MAMDC2: variants seen among roughly 807,000 people sequenced by gnomAD.
MAMDC2 encodes MAM domain containing 2.
MAMDC2 carries 57 observed loss-of-function variants against 89.8 expected under a neutral mutation model. The ratio of observed to expected loss-of-function variants is 0.63; its 90% CI spans 0.51 to 0.79. The LOEUF (loss-of-function observed/expected upper bound fraction) is 0.79, where lower values mean the gene tolerates loss of function less well. Ranked by LOEUF, MAMDC2 falls within the 30% of genes least tolerant of loss-of-function variation. MAMDC2 has a pLI of 0.00. For missense variants in MAMDC2, 800 were observed against 820.6 expected (o/e 0.97, Z 0.31); for synonymous variants, 313 against 293.4 (o/e 1.07, Z -0.68).
chr9:70,170,745 T>G (rs1253948110), intron 11 of MAMDC2, 114 bp downstream of exon 11: 3 of 958,302 alleles, frequency 3.1e-6, no homozygotes, highest in Non-Finnish European at 4.5e-6. Flanking sequence ...TATAATGAAA[T>G]GCACTTGTGA....
intron 11 of MAMDC2, among the ~76,000 whole-genome samples, chr9:70,190,003 T>C (rs1209311681): frequency 3.9e-5 from 6 of 152,176 alleles, no homozygotes; most frequent in African/African-American, 1.4e-4. Context: ...CATACTTTAT[T>C]TAGAAATGGC....
intron 11 of MAMDC2, among the ~76,000 whole-genome samples, chr9:70,211,900 C>A (rs2033361476): frequency 6.6e-6 from 1 of 152,230 alleles, no homozygotes; most frequent in Non-Finnish European, 1.5e-5. Context: ...CCACTCCAGA[C>A]TCTGTTTGCC....
intron 2 of MAMDC2, chr9:70,088,984 T>C (rs1239093623): frequency 6.6e-6 from 1 of 152,176 alleles, no homozygotes; most frequent in East Asian, 1.9e-4. Context: ...CCATGCATGA[T>C]GTTATTAAAT....
intron 11 of MAMDC2, among the ~76,000 whole-genome samples, chr9:70,202,419 T>C (rs555569471): frequency 4.6e-5 from 7 of 151,772 alleles, no homozygotes; most frequent in African/African-American, 9.7e-5. Flanking sequence ...GTCTGAGAGA[T>C]AGTTTGTTAT....
At chr9:70,139,857 T>C (rs924079357) in intron 7 of MAMDC2, among the ~76,000 whole-genome samples, 1 of 152,198 alleles carries the variant, frequency 6.6e-6, no homozygotes, top group Non-Finnish European at 1.5e-5. Flanking sequence ...TGATTTGCAT[T>C]TCCATGGGAG....
rs565459179 is a variant in MAMDC2, at chr9:70,209,597, C to A, written c.1652-8740C>A. ...TTTAAAAAACCAGCTCCTGGATTCA[C>A]TGATTTTTTTGAAGGGTCTTTCGTA... is the stretch of plus-strand genomic sequence containing the variant. On this transcript the variant is annotated intron_variant, in intron 11 of 13. Transcript: ENST00000377182. Among the ~76,000 whole-genome samples, 16 of 56,620 alleles carry A rather than the reference C, an allele frequency of 2.8e-4. No homozygotes were observed. In the Admixed American group the frequency reaches 3.4e-3, roughly 12 times the overall value. The allele number at this position is 56,620 out of a possible 152,430, so 37.1% of individuals were successfully genotyped here.
intron 9 of MAMDC2, among the ~76,000 whole-genome samples, chr9:70,166,165 C>T (rs2118513460): frequency 6.6e-6 from 1 of 151,550 alleles, no homozygotes; most frequent in Non-Finnish European, 1.5e-5. Flanking sequence ...TGCTTGAATC[C>T]AGGAGGTGGA....
chr9:70,106,656 A>G (rs1028427205), intron 2 of MAMDC2, among the ~76,000 whole-genome samples: 3 of 152,198 alleles, frequency 2.0e-5, no homozygotes, highest in East Asian at 3.9e-4. Context: ...CGTGGGAGGT[A>G]TGATGGTGTC....
intron 2 of MAMDC2, among the ~76,000 whole-genome samples, chr9:70,050,197 A>G (rs940560453): frequency 1.3e-5 from 2 of 152,180 alleles, no homozygotes; most frequent in Non-Finnish European, 2.9e-5. Context: ...TTTCAGATGT[A>G]TAGGGATCCC....
At chr9:70,075,398 G>T (rs1014138348) in intron 2 of MAMDC2, among the ~76,000 whole-genome samples, 1 of 152,164 alleles carries the variant, frequency 6.6e-6, no homozygotes, top group South Asian at 2.1e-4. Context: ...TGTTTAAAAT[G>T]CAGTTTCCCA....
In MAMDC2 at chr9:70,044,167, C is replaced by T. The variant is rs372586101; in HGVS notation, c.-31C>T. 2.8e-5 allele frequency: 45 copies of T among 1,613,498 alleles called. No homozygotes were observed. The highest frequency in any genetic ancestry group is 3.2e-5 in the Non-Finnish European group (38 of 1,179,918). The stretch of plus-strand genomic sequence containing the variant: ...TCCCAGCGGGCTGGCAACTTGCACC[C>T]CTTCCTAGTCATCCTCCCTGAAACG... On this transcript the variant is annotated 5_prime_UTR_variant, in exon 1 of 14. Transcript: ENST00000377182.
chr9:70,084,350 C>A (rs191792706), intron 2 of MAMDC2, among the ~76,000 whole-genome samples: 1 of 152,074 alleles, frequency 6.6e-6, no homozygotes, highest in Non-Finnish European at 1.5e-5. Context: ...ATAACTAATG[C>A]CATGAAAATC....
At chr9:70,134,299 C>T (rs932635675) in intron 7 of MAMDC2, among the ~76,000 whole-genome samples, 3 of 145,478 alleles carry the variant, frequency 2.1e-5, no homozygotes, top group African/African-American at 5.1e-5. Context: ...CCCCCACACC[C>T]GGTGCTTCCA....
intron 2 of MAMDC2, among the ~76,000 whole-genome samples, chr9:70,070,885 GATATAA>G (rs1827389012): frequency 6.6e-6 from 1 of 152,070 alleles, no homozygotes; most frequent in East Asian, 1.9e-4. Context: ...AATATTCTGA[GATATAA>G]ATATATAACA....
chr9:70,180,799 A>G (rs980278430), intron 11 of MAMDC2, among the ~76,000 whole-genome samples: 2 of 152,176 alleles, frequency 1.3e-5, no homozygotes, highest in African/African-American at 4.8e-5. Context: ...CTTTTCTCCT[A>G]TTCTGTAGGA....
At chr9:70,148,703 T>C (rs1454650519) in intron 9 of MAMDC2, among the ~76,000 whole-genome samples, 1 of 149,136 alleles carries the variant, frequency 6.7e-6, no homozygotes, top group African/African-American at 2.5e-5. Flanking sequence ...GAGACCAGCC[T>C]AGCCAACATG....
chr9:70,142,338 G>A (rs2031251657), intron 8 of MAMDC2, among the ~76,000 whole-genome samples: 1 of 152,162 alleles, frequency 6.6e-6, no homozygotes, highest in Non-Finnish European at 1.5e-5. Flanking sequence ...GAGGAGAATG[G>A]AGGAAAATGA....
intron 2 of MAMDC2, among the ~76,000 whole-genome samples, chr9:70,052,140 G>A (rs1826921842): frequency 6.6e-6 from 1 of 152,154 alleles, no homozygotes; most frequent in African/African-American, 2.4e-5. Flanking sequence ...TGTGTCCATG[G>A]TTGAGGAATG....
At chr9:70,113,211 C>A in intron 5 of MAMDC2, 79 bp downstream of exon 5, 1 of 1,502,866 alleles carries the variant, frequency 6.7e-7, no homozygotes. Context: ...ACTGACCTAG[C>A]TGTGGCTTCT....
Sources: allele counts gnomAD v4.1 joint callset (sites outside exome capture counted in the v4.1 genomes callset), GRCh38; gene constraint gnomAD v4.1.1; transcripts MANE v1.5; gene names NCBI Gene and HGNC (gene_info 2026-07-23, HGNC 2026-07-21).